The following GRIK2 variants were observed in gnomAD, a reference collection of about 807,000 sequenced individuals.
GRIK2 encodes glutamate ionotropic receptor kainate type subunit 2.
In GRIK2, 32 loss-of-function variants were observed where a neutral mutation model predicts 100.3. The observed-to-expected ratio is 0.32, with a 90% CI of 0.24 to 0.43. The LOEUF (loss-of-function observed/expected upper bound fraction) is 0.43. Among genes scored for constraint, GRIK2 ranks in the 20% least tolerant of loss-of-function variants. The pLI is 1.00. For missense variants in GRIK2, 843 were observed against 1,114.9 expected (o/e 0.76, Z 3.47); for synonymous variants, 417 against 389.4 (o/e 1.07, Z -0.83).
At chr6:101,516,357 C>A (rs1484377798) in intron 2 of GRIK2, among the ~76,000 whole-genome samples, 1 of 151,982 alleles carries the variant, frequency 6.6e-6, no homozygotes, top group African/African-American at 2.4e-5. Flanking sequence ...GCCATAGTCA[C>A]CAAAAGAGTG....
At chr6:101,505,904 G>C (rs968356556) in intron 2 of GRIK2, among the ~76,000 whole-genome samples, 4 of 151,734 alleles carry the variant, frequency 2.6e-5, no homozygotes, top group Non-Finnish European at 4.4e-5. Flanking sequence ...TACATTAAAA[G>C]TCAATCTTAA....
intron 2 of GRIK2, among the ~76,000 whole-genome samples, chr6:101,563,280 T>C (rs912592224): frequency 1.3e-5 from 2 of 152,182 alleles, no homozygotes; most frequent in East Asian, 3.8e-4. Flanking sequence ...TGATAAATTA[T>C]TGAGAATTGT....
intron 12 of GRIK2, among the ~76,000 whole-genome samples, chr6:101,922,462 T>A (rs954418632): frequency 2.0e-5 from 3 of 152,206 alleles, no homozygotes; most frequent in African/African-American, 7.2e-5. Flanking sequence ...TTCATGTTAA[T>A]AGCTAATATA....
At chr6:101,884,049 G>A (rs1786449264) in intron 11 of GRIK2, among the ~76,000 whole-genome samples, 1 of 152,078 alleles carries the variant, frequency 6.6e-6, no homozygotes, top group South Asian at 2.1e-4. Context: ...TAAGAGTTCA[G>A]GCAATGTGAC....
intron 4 of GRIK2, among the ~76,000 whole-genome samples, chr6:101,662,184 G>T (rs1582914334): frequency 6.6e-6 from 1 of 152,350 alleles, no homozygotes; most frequent in African/African-American, 2.4e-5. Flanking sequence ...GATGAAGAAA[G>T]ATTAGTCTCT....
chr6:101,781,251 A>G (rs1779074884), intron 7 of GRIK2, among the ~76,000 whole-genome samples: 1 of 152,190 alleles, frequency 6.6e-6, no homozygotes, highest in South Asian at 2.1e-4. Context: ...GGTCACAATC[A>G]GTGACATTAT....
At chr6:101,630,565 G>A (rs898428388) in intron 4 of GRIK2, among the ~76,000 whole-genome samples, 2 of 152,078 alleles carry the variant, frequency 1.3e-5, no homozygotes, top group African/African-American at 4.8e-5. Context: ...GGGGTTATTT[G>A]TTTTTTGCTT....
Position 101,682,575 on chromosome 6 carries a change from C to A in GRIK2, c.746C>A (p.Thr249Lys). The change falls in exon 6 of 17, where the codon ACA becomes AAA. Residue 249 changes from threonine to lysine, a missense_variant. By Grantham distance (78) the Thr-to-Lys change is moderately conservative. Coordinates refer to ENST00000369134, the MANE Select transcript of GRIK2 (RefSeq NM_021956.5). ...TAGGCATTAGCTATGGGAATGATGA[C>A]AGAATACTATCATTATATCTTTACC... ...LKQALAMGMM[T>K]EYYHYIFTTL... 1 of 1,331,860 alleles carries A rather than the reference C, an allele frequency of 7.5e-7. No homozygotes were observed. The highest frequency in any genetic ancestry group is 1.1e-6 in the Non-Finnish European group (1 of 932,456). The allele number at this position is 1,331,860 out of a possible 1,614,324, so 82.5% of individuals were successfully genotyped here. A position where few individuals can be genotyped will look rare whatever the true frequency, so the allele number is the denominator to read the frequency against.
intron 7 of GRIK2, among the ~76,000 whole-genome samples, chr6:101,777,341 C>T (rs1366825925): frequency 6.6e-6 from 1 of 152,154 alleles, no homozygotes. Flanking sequence ...GTGACCCCCT[C>T]CTTCTTGCTC....
intron 7 of GRIK2, among the ~76,000 whole-genome samples, chr6:101,698,294 C>T (rs1288073663): frequency 1.3e-5 from 2 of 152,042 alleles, no homozygotes; most frequent in Non-Finnish European, 2.9e-5. Flanking sequence ...CTCTGATGCA[C>T]TAATTTCCAA....
intron 11 of GRIK2, among the ~76,000 whole-genome samples, chr6:101,872,779 T>C (rs1291110180): frequency 6.6e-6 from 1 of 151,974 alleles, no homozygotes; most frequent in Admixed American, 6.6e-5. Flanking sequence ...ATGTTTGTTT[T>C]CTACACAAAT....
chr6:101,639,726 T>G (rs531616709), intron 4 of GRIK2, among the ~76,000 whole-genome samples: 21 of 152,306 alleles, frequency 1.4e-4, no homozygotes, highest in Non-Finnish European at 2.8e-4. Flanking sequence ...TATTCAGAGA[T>G]AACATTATCT....
chr6:102,020,395 T>G (rs1190365227), intron 14 of GRIK2, among the ~76,000 whole-genome samples: 1 of 151,762 alleles, frequency 6.6e-6, no homozygotes, highest in Non-Finnish European at 1.5e-5. Flanking sequence ...AAGTAGAAAT[T>G]TATAGCCATG....
intron 4 of GRIK2, among the ~76,000 whole-genome samples, chr6:101,650,987 TG>T (rs1449852864): frequency 7.2e-6 from 1 of 139,852 alleles, no homozygotes; most frequent in Non-Finnish European, 1.5e-5. Flanking sequence ...GAACTCTTTT[TG>T]TATTTCTTTC....
At chr6:101,844,904 A>G (rs1261829744) in intron 10 of GRIK2, among the ~76,000 whole-genome samples, 3 of 152,134 alleles carry the variant, frequency 2.0e-5, no homozygotes, top group Non-Finnish European at 2.9e-5. Flanking sequence ...TGTTCACAAT[A>G]TTGTGCAGAT....
intron 14 of GRIK2, among the ~76,000 whole-genome samples, chr6:101,970,191 A>G (rs1792953908): frequency 6.7e-6 from 1 of 148,824 alleles, no homozygotes; most frequent in African/African-American, 2.5e-5. Context: ...TCTAATGCCA[A>G]AGGGCCAGAG....
At chr6:101,939,697 A>G (rs1354611148) in intron 14 of GRIK2, among the ~76,000 whole-genome samples, 1 of 152,136 alleles carries the variant, frequency 6.6e-6, no homozygotes, top group Non-Finnish European at 1.5e-5. Context: ...TCACAGCAAA[A>G]TCAACATCGT....
intron 4 of GRIK2, among the ~76,000 whole-genome samples, chr6:101,659,484 T>A (rs184895684): frequency 1.9e-4 from 29 of 152,172 alleles, no homozygotes; most frequent in Admixed American, 1.2e-3. Context: ...CATTTTAATA[T>A]TGTTATGTGT....
At chr6:101,791,222 A>C (rs1429997060) in intron 7 of GRIK2, among the ~76,000 whole-genome samples, 2 of 151,804 alleles carry the variant, frequency 1.3e-5, no homozygotes, top group Admixed American at 6.6e-5. Context: ...TTCTGCTCTG[A>C]TTTTAGTTGT....
Sources: allele counts gnomAD v4.1 joint callset (sites outside exome capture counted in the v4.1 genomes callset), GRCh38; gene constraint gnomAD v4.1.1; transcripts MANE v1.5; gene names NCBI Gene and HGNC (gene_info 2026-07-23, HGNC 2026-07-21).